The following PLPPR1 variants were observed in gnomAD, a reference collection of about 807,000 sequenced individuals.
PLPPR1 encodes phospholipid phosphatase related 1, also known as phospholipid phosphatase-related protein type 1.
Under a neutral mutation model 33.1 loss-of-function variants are expected in PLPPR1, and 10 were observed. The observed-to-expected ratio is 0.30, with a 90% confidence interval of 0.19 to 0.51. The LOEUF is 0.51. PLPPR1 is among the 20% of genes least tolerant of loss of function. The pLI, the probability that PLPPR1 is intolerant of heterozygous loss-of-function variation, is 0.97. For missense variants in PLPPR1, 304 were observed against 408.1 expected (o/e 0.74, Z 2.20); for synonymous variants, 151 against 151.0 (o/e 1.00, Z 0.00).
chr9:101,320,208 C>T (rs926464523), intron 7 of PLPPR1, among the ~76,000 whole-genome samples: 2 of 152,162 alleles, frequency 1.3e-5, no homozygotes, highest in African/African-American at 2.4e-5. Context: ...ATTATGGATG[C>T]CGCCTCATAT....
chr9:101,191,292 T>C (rs1451761087), intron 2 of PLPPR1, among the ~76,000 whole-genome samples: 1 of 152,164 alleles, frequency 6.6e-6, no homozygotes, highest in Non-Finnish European at 1.5e-5. Flanking sequence ...TTTCTCATCA[T>C]TTTTTCTCCT....
At chr9:101,156,411 A>G (rs1265900625) in intron 1 of PLPPR1, among the ~76,000 whole-genome samples, 1 of 151,966 alleles carries the variant, frequency 6.6e-6, no homozygotes, top group African/African-American at 2.4e-5. Context: ...TCAACCAGGT[A>G]TGGTGGTGTC....
intron 7 of PLPPR1, among the ~76,000 whole-genome samples, chr9:101,321,000 G>C (rs747767432): frequency 1.3e-5 from 2 of 152,102 alleles, no homozygotes; most frequent in Non-Finnish European, 2.9e-5. Context: ...ACAGGGGGCT[G>C]GTATACTGAA....
chr9:101,141,198 A>G (rs1831447340), intron 1 of PLPPR1, among the ~76,000 whole-genome samples: 1 of 152,188 alleles, frequency 6.6e-6, no homozygotes, highest in South Asian at 2.1e-4. Flanking sequence ...AGGAGAATCT[A>G]TGGAAATCTC....
chr9:101,271,961 GAATT>G (rs1008254616), intron 3 of PLPPR1, among the ~76,000 whole-genome samples: 3 of 152,194 alleles, frequency 2.0e-5, no homozygotes, highest in East Asian at 1.9e-4. Flanking sequence ...TCAGAAAATA[GAATT>G]AATAAATTAA....
chr9:101,181,737 G>A (rs1453113836), intron 1 of PLPPR1, among the ~76,000 whole-genome samples: 3 of 566 alleles, frequency 5.3e-3, no homozygotes, highest in African/African-American at 0.019. Context: ...GTGTGTGTGT[G>A]TATATATACA....
chr9:101,185,504 G>A lies in PLPPR1; in HGVS notation c.10G>A (p.Gly4Arg). The change falls in exon 2 of 8, where the codon GGA (glycine) becomes AGA (arginine). Residue 4 changes from glycine (G) to arginine (R), a missense_variant. Physicochemically the swap from Gly to Arg is moderately radical, Grantham distance 125. Transcript: ENST00000374874. MAV[G>R]NNTQRSYSII... ...CTATATGGTGTGAGAAATGGCTGTA[G>A]GAAACAACACTCAACGAAGTTATTC... 1 of 1,608,320 alleles carries A rather than the reference G, an allele frequency of 6.2e-7. No individual in the cohort carries two copies. The highest frequency in any genetic ancestry group is 1.7e-5 in the Admixed American group (1 of 59,496).
At chr9:101,242,524 G>T (rs931852017) in intron 2 of PLPPR1, among the ~76,000 whole-genome samples, 1 of 151,972 alleles carries the variant, frequency 6.6e-6, no homozygotes, top group Admixed American at 6.6e-5. Flanking sequence ...TTCAATCATT[G>T]CTTCTTTGAC....
intron 1 of PLPPR1, among the ~76,000 whole-genome samples, chr9:101,047,229 C>T (rs2118434826): frequency 6.6e-6 from 1 of 152,270 alleles, no homozygotes; most frequent in African/African-American, 2.4e-5. Flanking sequence ...GTCCTTTTAA[C>T]CATTTCTAGA....
chr9:101,321,892 C>A (rs1305423270), intron 7 of PLPPR1, among the ~76,000 whole-genome samples: 4 of 148,060 alleles, frequency 2.7e-5, no homozygotes, highest in Non-Finnish European at 5.9e-5. Flanking sequence ...GCCTTACTTT[C>A]TTCATCTATG....
At chr9:101,297,373 G>A (rs1170161036) in intron 4 of PLPPR1, among the ~76,000 whole-genome samples, 1 of 152,098 alleles carries the variant, frequency 6.6e-6, no homozygotes, top group African/African-American at 2.4e-5. Context: ...TTGAAGGATA[G>A]GCTTCTGCTT....
intron 1 of PLPPR1, among the ~76,000 whole-genome samples, chr9:101,033,863 G>A (rs567693564): frequency 6.6e-6 from 1 of 152,252 alleles, no homozygotes; most frequent in East Asian, 1.9e-4. Flanking sequence ...AATTGTACAA[G>A]CAATTTCCTT....
chr9:101,178,837 G>T (rs1402535906), intron 1 of PLPPR1, among the ~76,000 whole-genome samples: 1 of 152,146 alleles, frequency 6.6e-6, no homozygotes, highest in Non-Finnish European at 1.5e-5. Context: ...GGAAGTGGAA[G>T]TGGCACCACT....
intron 1 of PLPPR1, among the ~76,000 whole-genome samples, chr9:101,172,138 G>A (rs899581062): frequency 6.6e-6 from 1 of 152,076 alleles, no homozygotes; most frequent in African/African-American, 2.4e-5. Flanking sequence ...GTTTCACCAT[G>A]TTAAATGTTG....
intron 1 of PLPPR1, among the ~76,000 whole-genome samples, chr9:101,097,542 A>C (rs565689224): frequency 1.3e-5 from 2 of 152,202 alleles, no homozygotes; most frequent in Non-Finnish European, 2.9e-5. Flanking sequence ...GGAATATCTG[A>C]GTGAGTGCTA....
At chr9:101,196,726 G>A (rs375803005) in intron 2 of PLPPR1, among the ~76,000 whole-genome samples, 1 of 152,118 alleles carries the variant, frequency 6.6e-6, no homozygotes, top group African/African-American at 2.4e-5. Context: ...TTAGCTGGGC[G>A]TGGTGGCGGG....
At chr9:101,047,412 G>A (rs1026259750) in intron 1 of PLPPR1, among the ~76,000 whole-genome samples, 10 of 152,126 alleles carry the variant, frequency 6.6e-5, no homozygotes, top group East Asian at 3.9e-4. Context: ...GTGAACTTGC[G>A]TAAAAGATGT....
intron 1 of PLPPR1, among the ~76,000 whole-genome samples, chr9:101,141,600 A>G (rs907561562): frequency 3.3e-5 from 5 of 152,210 alleles, no homozygotes; most frequent in African/African-American, 1.2e-4. Context: ...TATATGGATG[A>G]GTATTTAAAA....
At chr9:101,152,656 A>T (rs1192712381) in intron 1 of PLPPR1, among the ~76,000 whole-genome samples, 1 of 152,168 alleles carries the variant, frequency 6.6e-6, no homozygotes, top group African/African-American at 2.4e-5. Context: ...TAGATAGGGA[A>T]TCCTTTCCCC....
Sources: gnomAD v4.1 joint callset for allele counts (sites outside exome capture counted in the v4.1 genomes callset) on GRCh38, gnomAD v4.1.1 for gene constraint, MANE v1.5 for transcripts, NCBI Gene and HGNC (gene_info 2026-07-23, HGNC 2026-07-21) for gene names.